The following ANO4 variants were observed in gnomAD, a reference collection of about 807,000 sequenced individuals.
ANO4 encodes anoctamin-4.
ANO4 carries 69 observed loss-of-function variants against 141.9 expected under a neutral mutation model. That is an observed-to-expected ratio of 0.49 (90% CI 0.40 to 0.59). ANO4 has a LOEUF of 0.59. Ranked by LOEUF, ANO4 falls within the 20% of genes least tolerant of loss-of-function variation. The pLI is 0.00. For missense variants in ANO4, 894 were observed against 1,162.2 expected (o/e 0.77, Z 3.36); for synonymous variants, 350 against 394.3 (o/e 0.89, Z 1.33).
At position 101,020,085 on chromosome 12, in the gene ANO4, A is replaced by G. The variant is rs773092607; in HGVS notation, c.786A>G (p.Arg262=). The G allele has an allele frequency of 8.7e-6, 14 of 1,613,696 alleles. No individual in the cohort carries two copies. The highest frequency in any genetic ancestry group is 9.3e-6 in the Non-Finnish European group (11 of 1,179,738). ...TCTTCAACAATGCCACAAGAAGTAG[A>G]ATCGTGCATCACATTTTACAAAGAA... ...ETFFNNATRS[R]IVHHILQRIK... is the part of the protein sequence containing the mutation. Residue 262 remains arginine (R), a synonymous_variant, in exon 9 of 28, where the codon AGA becomes AGG. Coordinates refer to ENST00000392977, the MANE Select transcript of ANO4 (RefSeq NM_001286615.2).
intron 26 of ANO4, among the ~76,000 whole-genome samples, chr12:101,122,087 T>C (rs2051120833): frequency 6.6e-6 from 1 of 152,202 alleles, no homozygotes; most frequent in Non-Finnish European, 1.5e-5. Flanking sequence ...TACTGACTGG[T>C]GTGAGATGGT....
chr12:100,993,601 G>A (rs1201914488), intron 8 of ANO4, among the ~76,000 whole-genome samples: 2 of 152,120 alleles, frequency 1.3e-5, no homozygotes, highest in Admixed American at 6.5e-5. Context: ...GGAGGCATAT[G>A]TCTCTGATTC....
chr12:100,870,407 G>T (rs923840714), intron 1 of ANO4, among the ~76,000 whole-genome samples: 2 of 152,062 alleles, frequency 1.3e-5, no homozygotes, highest in African/African-American at 4.8e-5. Context: ...AGCATTGGTT[G>T]TCTATTCAAA....
chr12:100,733,195 C>G (rs2031455532), intron 1 of ANO4, among the ~76,000 whole-genome samples: 1 of 152,170 alleles, frequency 6.6e-6, no homozygotes, highest in Non-Finnish European at 1.5e-5. Context: ...ACTTGGTTTA[C>G]AAGACACTTT....
At chr12:100,782,308 A>G (rs2033734350) in intron 3 of ANO4, among the ~76,000 whole-genome samples, 1 of 152,168 alleles carries the variant, frequency 6.6e-6, no homozygotes, top group African/African-American at 2.4e-5. Context: ...AATGTGGCCC[A>G]TAGAAAGAAC....
chr12:100,993,330 G>A (rs1000671660), intron 8 of ANO4, among the ~76,000 whole-genome samples: 1 of 152,156 alleles, frequency 6.6e-6, no homozygotes, highest in African/African-American at 2.4e-5. Flanking sequence ...GCTTACCAAG[G>A]TGGGCCTACA....
intron 8 of ANO4, among the ~76,000 whole-genome samples, chr12:100,993,817 G>A (rs2045249708): frequency 6.6e-6 from 1 of 152,174 alleles, no homozygotes; most frequent in Non-Finnish European, 1.5e-5. Context: ...GTCTACCTGT[G>A]TGCCCAGAAG....
chr12:101,050,786 A>G (rs2047832527), intron 14 of ANO4, among the ~76,000 whole-genome samples: 1 of 152,202 alleles, frequency 6.6e-6, no homozygotes, highest in African/African-American at 2.4e-5. Flanking sequence ...CCTCATGGCC[A>G]TGGATAGGGC....
chr12:100,754,995 T>C (rs1407314272), intron 3 of ANO4, among the ~76,000 whole-genome samples: 12 of 152,218 alleles, frequency 7.9e-5, no homozygotes, highest in African/African-American at 2.4e-4. Context: ...ATGATGGTTG[T>C]ACATTATGAA....
intron 1 of ANO4, among the ~76,000 whole-genome samples, chr12:100,719,426 T>C (rs2030760242): frequency 6.6e-6 from 1 of 152,198 alleles, no homozygotes; most frequent in Non-Finnish European, 1.5e-5. Context: ...GAGATCATTA[T>C]CTGATGAGAG....
At chr12:100,815,122 G>A (rs1376444842) in intron 1 of ANO4, among the ~76,000 whole-genome samples, 3 of 152,118 alleles carry the variant, frequency 2.0e-5, no homozygotes, top group Non-Finnish European at 2.9e-5. Context: ...ATGGTTATCA[G>A]TTACCTAACT....
chr12:101,108,184 A>G (rs2050523168), intron 22 of ANO4, among the ~76,000 whole-genome samples: 1 of 152,158 alleles, frequency 6.6e-6, no homozygotes, highest in South Asian at 2.1e-4. Flanking sequence ...TCATAGGAGT[A>G]GATGGACTTA....
rs575233846 is a variant in ANO4, at chr12:100,725,492, G to A, written c.22+7945G>A. On this transcript the variant is annotated intron_variant, in intron 1 of 29. Coordinates refer to the ANO4 transcript ENST00000644049. ...CTCCCGAGTAGCTGGGACTACAGGCGCCCACCACCACGCCCGGCTAATTTT... is the reference window on the plus strand; with the variant it reads ...CTCCCGAGTAGCTGGGACTACAGGCACCCACCACCACGCCCGGCTAATTTT... Among the ~76,000 whole-genome samples, 545 of 151,984 alleles carry A rather than the reference G, an allele frequency of 3.6e-3. 5 individuals are homozygous for A. Among genetic ancestry groups the A allele is most frequent in the African/African-American group, 0.012 (509 of 41,462 alleles).
intron 1 of ANO4, among the ~76,000 whole-genome samples, chr12:100,878,171 C>T (rs1431440563): frequency 6.6e-6 from 1 of 152,148 alleles, no homozygotes; most frequent in Non-Finnish European, 1.5e-5. Context: ...ACCATCTCTC[C>T]TGCCTGCTGG....
intron 2 of ANO4, among the ~76,000 whole-genome samples, chr12:100,914,450 G>A (rs1014322897): frequency 2.0e-5 from 3 of 152,142 alleles, no homozygotes; most frequent in Non-Finnish European, 4.4e-5. Flanking sequence ...GCTAATATGA[G>A]CCAAGCTTTC....
chr12:101,090,361 A>C (rs896417114), intron 17 of ANO4, among the ~76,000 whole-genome samples: 1 of 152,224 alleles, frequency 6.6e-6, no homozygotes, highest in Non-Finnish European at 1.5e-5. Flanking sequence ...ATCTCCATCA[A>C]TGGTAGACTG....
Position 101,070,484 on chromosome 12 carries a change from C to T in ANO4, c.1313-8709C>T, listed in dbSNP as rs138398805. 9.1e-3 allele frequency among the ~76,000 whole-genome samples: 1,388 copies of T among 152,094 alleles called. 59 individuals carry two copies. Among genetic ancestry groups the T allele is most frequent in the Admixed American group, 0.075 (1,148 of 15,274 alleles). ...CATATGCAGAATAAAGAAACTAGACCCTTATCTTTCCGCATATACAAAAAT... is the reference window on the plus strand; with the variant it reads ...CATATGCAGAATAAAGAAACTAGACTCTTATCTTTCCGCATATACAAAAAT... On this transcript the variant is annotated intron_variant, in intron 14 of 27. Transcript: ENST00000392977.
intron 1 of ANO4, among the ~76,000 whole-genome samples, chr12:100,894,592 C>T (rs188093283): frequency 1.7e-4 from 26 of 152,174 alleles, no homozygotes; most frequent in East Asian, 9.7e-4. Context: ...CTACCTCTTC[C>T]GCATGTATAC....
intron 11 of ANO4, 122 bp downstream of exon 11, chr12:101,040,198 G>T: frequency 1.6e-6 from 2 of 1,287,896 alleles, no homozygotes; most frequent in South Asian, 2.1e-5. Flanking sequence ...ACTCATATCT[G>T]GCTTCTTCAC....
Sources: allele counts gnomAD v4.1 joint callset (sites outside exome capture counted in the v4.1 genomes callset), GRCh38; gene constraint gnomAD v4.1.1; transcripts MANE v1.5; gene names NCBI Gene and HGNC (gene_info 2026-07-23, HGNC 2026-07-21).